ARHGAP6: variants seen among roughly 807,000 people sequenced by gnomAD.
The protein encoded by ARHGAP6 is rho GTPase-activating protein 6.
Under a neutral mutation model 55.7 loss-of-function variants are expected in ARHGAP6, and 16 were observed. The ratio of observed to expected loss-of-function variants is 0.29; its 90% CI spans 0.19 to 0.44. ARHGAP6 has a LOEUF of 0.44. Ranked by LOEUF, ARHGAP6 falls within the 20% of genes least tolerant of loss-of-function variation. The probability of loss-of-function intolerance (pLI) is 1.00; values close to 1 mark genes in which losing one functional copy is unlikely to be tolerated. For missense variants in ARHGAP6, 698 were observed against 808.9 expected (o/e 0.86, Z 1.66); for synonymous variants, 382 against 360.9 (o/e 1.06, Z -0.66).
At chrX:11,529,368 T>C (rs911868792) in intron 1 of ARHGAP6, among the ~76,000 whole-genome samples, 2 of 112,209 alleles carry the variant, frequency 1.8e-5, no homozygotes, top group African/African-American at 6.5e-5. Flanking sequence ...AATCATACTT[T>C]TGTAAAATGT....
chrX:11,563,108 A>G (rs755411254), intron 1 of ARHGAP6, among the ~76,000 whole-genome samples: 3 of 111,727 alleles, frequency 2.7e-5, no homozygotes, highest in Non-Finnish European at 5.6e-5. Flanking sequence ...ATAACCACAC[A>G]TTACTGTCAT....
chrX:11,626,052 A>G (rs970900696), intron 1 of ARHGAP6, among the ~76,000 whole-genome samples: 3 of 112,113 alleles, frequency 2.7e-5, no homozygotes, highest in Non-Finnish European at 5.6e-5. Flanking sequence ...TGTAAAAGCA[A>G]AAGCTAGTTT....
intron 1 of ARHGAP6, among the ~76,000 whole-genome samples, chrX:11,260,480 G>A (rs1005075167): frequency 8.1e-5 from 9 of 111,350 alleles, no homozygotes; most frequent in African/African-American, 2.9e-4. Context: ...ATTTGTGCTG[G>A]AGAGGTCCCA....
intron 1 of ARHGAP6, among the ~76,000 whole-genome samples, chrX:11,649,778 ATTAAG>A (rs1340001118): frequency 2.7e-5 from 3 of 112,115 alleles, no homozygotes; most frequent in African/African-American, 6.5e-5. Flanking sequence ...TAAAGCAGTT[ATTAAG>A]TTAAAAGTTA....
At chrX:11,150,510 T>G (rs1299182677) in intron 10 of ARHGAP6, among the ~76,000 whole-genome samples, 1 of 112,248 alleles carries the variant, frequency 8.9e-6, no homozygotes, top group Non-Finnish European at 1.9e-5. Flanking sequence ...AATATTTATA[T>G]TAAATTTAAA....
intron 1 of ARHGAP6, among the ~76,000 whole-genome samples, chrX:11,405,514 A>C (rs1453974566): frequency 8.9e-6 from 1 of 111,964 alleles, no homozygotes; most frequent in Non-Finnish European, 1.9e-5. Context: ...CCTACAAATC[A>C]AGGGTTTACT....
intron 1 of ARHGAP6, among the ~76,000 whole-genome samples, chrX:11,293,088 C>T (rs1363210041): frequency 8.9e-6 from 1 of 112,252 alleles, no homozygotes; most frequent in Non-Finnish European, 1.9e-5. Flanking sequence ...TAAAGAACAA[C>T]GTTGTTTGCT....
chrX:11,417,105 T>TATACAC (rs1406504776), intron 1 of ARHGAP6, among the ~76,000 whole-genome samples: 3 of 75,867 alleles, frequency 4.0e-5, no homozygotes, highest in African/African-American at 1.6e-4. Context: ...TATATATATA[T>TATACAC]ACACATACAT....
intron 1 of ARHGAP6, among the ~76,000 whole-genome samples, chrX:11,554,389 G>C (rs1193440835): frequency 3.6e-5 from 4 of 111,695 alleles, no homozygotes; most frequent in African/African-American, 1.3e-4. Context: ...GCAGAGTACG[G>C]TGACCATAGT....
At chrX:11,310,393 C>T (rs1463662459) in intron 1 of ARHGAP6, among the ~76,000 whole-genome samples, 1 of 110,627 alleles carries the variant, frequency 9.0e-6, no homozygotes, top group Non-Finnish European at 1.9e-5. Context: ...TATGAATGTT[C>T]CTAACAGCAT....
intron 1 of ARHGAP6, among the ~76,000 whole-genome samples, chrX:11,572,958 C>CA (rs2051545263): frequency 8.9e-6 from 1 of 112,219 alleles, no homozygotes; most frequent in Admixed American, 9.4e-5. Context: ...CGCATTTTTT[C>CA]ATGTGTCTGT....
intron 8 of ARHGAP6, among the ~76,000 whole-genome samples, chrX:11,176,253 A>T (rs1280387844): frequency 7.9e-5 from 5 of 63,522 alleles, no homozygotes; most frequent in African/African-American, 3.2e-4. Context: ...ATATATATAT[A>T]TATATATATA....
chrX:11,584,759 G>A lies in ARHGAP6; in HGVS notation c.588+79482C>T, dbSNP rs768614726. Among the ~76,000 whole-genome samples, 6 of 112,170 alleles carry A rather than the reference G, an allele frequency of 5.3e-5. No individual in the cohort carries two copies. In the East Asian group the frequency reaches 1.4e-3, roughly 26 times the overall value. On this transcript the variant is annotated intron_variant, in intron 1 of 12. Transcript: ENST00000337414. ...TGCTGTCAGAACGTCTGGCAGTGCT[G>A]ATCATTTGAGTCTGTGCAGCTCTAA...
Position 11,292,648 on chromosome X carries a change from G to A in ARHGAP6, c.589-37941C>T, listed in dbSNP as rs1044363799. ...GGAGGCAAAGGACAACATCCCCTGT[G>A]ACATGAGTTTGCTTGTAAAAAACAA... On this transcript the variant is annotated intron_variant, in intron 1 of 12. Coordinates refer to ENST00000337414, the MANE Select transcript of ARHGAP6 (RefSeq NM_013427.3). Among the ~76,000 whole-genome samples the A allele has an allele frequency of 2.7e-5, 3 of 112,077 alleles. No homozygotes were observed. In the Admixed American group the frequency reaches 2.8e-4, roughly 11 times the overall value.
At chrX:11,354,327 C>CTCTCTCTCTATA (rs1343744315) in intron 1 of ARHGAP6, among the ~76,000 whole-genome samples, 23 of 32,344 alleles carry the variant, frequency 7.1e-4, no homozygotes, top group African/African-American at 1.3e-3. Flanking sequence ...CTCTCTCTCT[C>CTCTCTCTCTATA]TATATATATA....
At chrX:11,174,617 TCTTTC>T (rs1392127931) in intron 8 of ARHGAP6, among the ~76,000 whole-genome samples, 4 of 62,139 alleles carry the variant, frequency 6.4e-5, no homozygotes, top group Admixed American at 1.8e-4. Flanking sequence ...TCTTTCTTTC[TCTTTC>T]TTTTCTTTCT....
At chrX:11,171,962 G>A (rs1214650474) in intron 8 of ARHGAP6, among the ~76,000 whole-genome samples, 2 of 112,193 alleles carry the variant, frequency 1.8e-5, no homozygotes, top group Non-Finnish European at 3.8e-5. Flanking sequence ...TATTTCTCTT[G>A]TCAATATCAG....
intron 1 of ARHGAP6, among the ~76,000 whole-genome samples, chrX:11,581,985 A>C (rs765337946): frequency 1.2e-4 from 14 of 112,151 alleles, no homozygotes; most frequent in East Asian, 2.8e-4. Flanking sequence ...AGAACAACAA[A>C]AAAAAACTTC....
Position 11,139,141 on chromosome X carries a change from G to A in ARHGAP6, c.2647C>T (p.Pro883Ser), listed in dbSNP as rs765516039. ...SGRDDKRPPP[P>S]YPGPGKPAAA... ...GCGGGCTTCCCTGGGCCCGGGTATG[G>A]AGGCGGGGGCCGCTTGTCATCCCTC... is the stretch of plus-strand genomic sequence containing the variant. The change falls in exon 13 of 13, where the codon CCA becomes TCA. Residue 883 changes from proline (P) to serine (S), a missense_variant. Pro to Ser is a moderately conservative substitution (Grantham distance 74, BLOSUM62 -1). Coordinates refer to ENST00000337414, the MANE Select transcript of ARHGAP6 (RefSeq NM_013427.3). 1.7e-5 allele frequency: 21 copies of A among 1,204,381 alleles called. No homozygotes were observed. In the South Asian group the frequency reaches 3.0e-4, roughly 17 times the overall value.
Sources: allele counts gnomAD v4.1 joint callset (sites outside exome capture counted in the v4.1 genomes callset), GRCh38; gene constraint gnomAD v4.1.1; transcripts MANE v1.5; gene names NCBI Gene and HGNC (gene_info 2026-07-23, HGNC 2026-07-21).